EEF1AKMT2: variants seen among roughly 807,000 people sequenced by gnomAD.
EEF1AKMT2 encodes the protein EEF1A lysine methyltransferase 2.
In EEF1AKMT2, 32 loss-of-function variants were observed where a neutral mutation model predicts 35.8. The observed-to-expected ratio is 0.89, with a 90% CI of 0.67 to 1.20. The LOEUF (loss-of-function observed/expected upper bound fraction) is 1.20. Ranked by LOEUF, EEF1AKMT2 falls within the 50% of genes most tolerant of loss-of-function variation. EEF1AKMT2 has a pLI of 0.00. For missense variants in EEF1AKMT2, 330 were observed against 347.5 expected (o/e 0.95, Z 0.40); for synonymous variants, 121 against 133.7 (o/e 0.91, Z 0.65).
chr10:124,782,581 C>CAAA (rs34882125), intron 3 of EEF1AKMT2, among the ~76,000 whole-genome samples: 16 of 62,378 alleles, frequency 2.6e-4, no homozygotes, highest in Admixed American at 4.5e-4. Context: ...GACTCCGTCT[C>CAAA]AAAAAAAAAA....
At position 124,765,664 on chromosome 10, in the gene EEF1AKMT2, TGTAA is replaced by T. The variant is rs1160398164; in HGVS notation, c.400-60_400-57del. The T allele has an allele frequency of 2.2e-5, 29 of 1,339,352 alleles. No homozygotes were observed. The Admixed American group carries it at 4.5e-4, about 21-fold the overall frequency. 83.0% of individuals were successfully genotyped at this position (1,339,352 alleles called of 1,614,324 possible). A position where few individuals can be genotyped will look rare whatever the true frequency, so the allele number is the denominator to read the frequency against. On this transcript the variant is annotated intron_variant, in intron 4 of 6. Transcript: ENST00000368836. Reference sequence around the variant, plus strand: ...CAATTAAAACAAAATCCTTACAGAATGTAAGTGACAACCTGTAAAAGGTTATTAA... The same window carrying T: ...CAATTAAAACAAAATCCTTACAGAATGTGACAACCTGTAAAAGGTTATTAA...
chr10:124,783,475 T>C (rs1199051832), intron 3 of EEF1AKMT2, among the ~76,000 whole-genome samples: 2 of 152,146 alleles, frequency 1.3e-5, no homozygotes, highest in Admixed American at 6.5e-5. Flanking sequence ...CTCTCATGTA[T>C]TGCTGATGGA....
intron 3 of EEF1AKMT2, chr10:124,782,996 A>G: frequency 2.4e-6 from 1 of 422,758 alleles, no homozygotes; most frequent in Non-Finnish European, 4.6e-6. Context: ...TTCAAATATA[A>G]TAATAAGGTA....
In EEF1AKMT2 at chr10:124,774,670, GT is replaced by G; in HGVS notation, c.399+4del. 1 of 1,324,580 alleles carries G rather than the reference GT, an allele frequency of 7.5e-7. No individual in the cohort carries two copies. Among genetic ancestry groups the G allele is most frequent in the South Asian group, 1.8e-5 (1 of 55,628 alleles). The allele number at this position is 1,324,580 out of a possible 1,614,324, so 82.1% of individuals were successfully genotyped here. The stretch of plus-strand genomic sequence containing the variant: ...AAATATTATAGTAATATAAATAATA[GT>G]TACCTTTAACTTAATGTTAGATAAA... On this transcript the variant is annotated splice_donor_region_variant and intron_variant, in intron 4 of 6. Transcript: ENST00000368836.
At chr10:124,775,026 CA>C (rs1352261789) in intron 3 of EEF1AKMT2, 1 of 182,698 alleles carries the variant, frequency 5.5e-6, no homozygotes, top group Non-Finnish European at 1.1e-5. Context: ...TTCATGTTCT[CA>C]AAAATAATGA....
At chr10:124,783,274 G>A (rs1950558735) in intron 3 of EEF1AKMT2, among the ~76,000 whole-genome samples, 1 of 150,364 alleles carries the variant, frequency 6.7e-6, no homozygotes, top group African/African-American at 2.4e-5. Context: ...CTGAGTAGCT[G>A]TGACTACTCA....
intron 3 of EEF1AKMT2, among the ~76,000 whole-genome samples, chr10:124,783,421 G>A (rs531341753): frequency 5.9e-5 from 9 of 152,156 alleles, no homozygotes; most frequent in East Asian, 1.9e-4. Flanking sequence ...TAGGATTGCC[G>A]GCATAAGCCA....
intron 3 of EEF1AKMT2, among the ~76,000 whole-genome samples, chr10:124,786,236 G>A (rs1412354487): frequency 6.6e-6 from 1 of 152,134 alleles, no homozygotes; most frequent in East Asian, 1.9e-4. Context: ...GCCGGGCGTG[G>A]TGGCTCACAC....
chr10:124,791,574 C>G (rs1950634837), intron 1 of EEF1AKMT2, 150 bp downstream of exon 1: 1 of 1,178,268 alleles, frequency 8.5e-7, no homozygotes, highest in Non-Finnish European at 1.2e-6. Context: ...CTTTGAAATC[C>G]CCGTAAGCCC....
chr10:124,784,368 A>C (rs942071677), intron 3 of EEF1AKMT2, among the ~76,000 whole-genome samples: 1 of 152,210 alleles, frequency 6.6e-6, no homozygotes, highest in Non-Finnish European at 1.5e-5. Context: ...AAAAATTAGA[A>C]AATATTTTGG....
rs772206337 is a variant in EEF1AKMT2, at chr10:124,791,866, G to A, written c.-33C>T. 119 of 1,537,572 alleles carry A rather than the reference G, an allele frequency of 7.7e-5. No homozygotes were observed. Among genetic ancestry groups the A allele is most frequent in the Non-Finnish European group, 1.0e-4 (118 of 1,147,746 alleles). ...CACGTCCTGGACGGCCGTTGGGGCCGCCATAGAGACGGGGCACAGGCAGAG... is the reference window on the plus strand; with the variant it reads ...CACGTCCTGGACGGCCGTTGGGGCCACCATAGAGACGGGGCACAGGCAGAG... On this transcript the variant is annotated 5_prime_UTR_variant, in exon 1 of 7. Coordinates refer to ENST00000368836, the MANE Select transcript of EEF1AKMT2 (RefSeq NM_212554.4).
At position 124,789,174 on chromosome 10, in the gene EEF1AKMT2, G is replaced by C; in HGVS notation, c.177-17C>G. On this transcript the variant is annotated splice_polypyrimidine_tract_variant and intron_variant, in intron 2 of 6. Coordinates refer to ENST00000368836, the MANE Select transcript of EEF1AKMT2 (RefSeq NM_212554.4). ...TCTCCAAACCTGTTAGAGAGAATCA[G>C]TCAAATAACTGAGGGATACAGAGCA... 1 of 1,549,828 alleles carries C rather than the reference G, an allele frequency of 6.5e-7. No individual in the cohort carries two copies. The highest frequency in any genetic ancestry group is 8.9e-7 in the Non-Finnish European group (1 of 1,123,884).
chr10:124,778,307 G>A (rs963019772), intron 3 of EEF1AKMT2, among the ~76,000 whole-genome samples: 2 of 152,086 alleles, frequency 1.3e-5, no homozygotes, highest in Admixed American at 6.6e-5. Context: ...AATGGCATAT[G>A]GCTAAGAATA....
intron 3 of EEF1AKMT2, among the ~76,000 whole-genome samples, chr10:124,777,905 G>A (rs1442464625): frequency 6.6e-6 from 1 of 152,048 alleles, no homozygotes; most frequent in Non-Finnish European, 1.5e-5. Context: ...TGTATATGTG[G>A]TACATTTCAA....
chr10:124,778,235 T>C (rs74359827), intron 3 of EEF1AKMT2, among the ~76,000 whole-genome samples: 8 of 152,014 alleles, frequency 5.3e-5, no homozygotes, highest in Non-Finnish European at 8.8e-5. Flanking sequence ...CAAACATATA[T>C]GTATACCCAA....
intron 3 of EEF1AKMT2, among the ~76,000 whole-genome samples, chr10:124,784,999 A>C (rs1451443091): frequency 6.6e-6 from 1 of 151,762 alleles, no homozygotes; most frequent in African/African-American, 2.4e-5. Context: ...CTGCACCCCC[A>C]GCACTTTGGG....
rs535532582 is a variant in EEF1AKMT2 at position 124,789,760 on chromosome 10, T to TA, written c.176+512dup. On this transcript the variant is annotated intron_variant, in intron 2 of 6. Coordinates refer to ENST00000368836, the MANE Select transcript of EEF1AKMT2 (RefSeq NM_212554.4). The stretch of plus-strand genomic sequence containing the variant: ...ATGACAGAATGACACCCCACCTCTC[T>TA]AAAAAAAAAAAAAAAGTAAAAAATT... Among the ~76,000 whole-genome samples the TA allele has an allele frequency of 9.6e-3, 1,089 of 113,984 alleles. 12 individuals are homozygous for TA. Among genetic ancestry groups the TA allele is most frequent in the Middle Eastern group, 0.04 (8 of 200 alleles). The allele number at this position is 113,984 out of a possible 152,430, so 74.8% of individuals were successfully genotyped here. A position where few individuals can be genotyped will look rare whatever the true frequency, so the allele number is the denominator to read the frequency against.
intron 3 of EEF1AKMT2, among the ~76,000 whole-genome samples, chr10:124,785,246 CAAAAAAAAAA>C (rs35915292): frequency 1.6e-5 from 1 of 61,398 alleles, no homozygotes; most frequent in African/African-American, 7.3e-5. Context: ...GACTCCGTCT[CAAAAAAAAAA>C]AAAAAAAAAA....
At chr10:124,772,176 T>C (rs546959188) in intron 4 of EEF1AKMT2, among the ~76,000 whole-genome samples, 1 of 152,192 alleles carries the variant, frequency 6.6e-6, no homozygotes, top group South Asian at 2.1e-4. Flanking sequence ...CCTCTAACAA[T>C]AATGTCAGCC....
Sources: gnomAD v4.1 joint callset for allele counts (sites outside exome capture counted in the v4.1 genomes callset) on GRCh38, gnomAD v4.1.1 for gene constraint, MANE v1.5 for transcripts, NCBI Gene and HGNC (gene_info 2026-07-23, HGNC 2026-07-21) for gene names.